The following ALMS1 variants were observed in gnomAD, a reference collection of about 807,000 sequenced individuals.
ALMS1 encodes the protein ALMS1 centrosome and basal body associated protein, also known as centrosome-associated protein ALMS1.
ALMS1 carries 271 observed loss-of-function variants against 352.2 expected under a neutral mutation model. That is an observed-to-expected ratio of 0.77 (90% CI 0.70 to 0.85). The LOEUF is 0.85. Ranked by LOEUF, ALMS1 falls within the 40% of genes least tolerant of loss-of-function variation. The pLI is 0.00. For synonymous variants in ALMS1, 1,865 were observed against 1,761.2 expected, an observed-to-expected ratio of 1.06 and a Z score of -1.48; for missense variants, 5,445 against 4,870.7, an observed-to-expected ratio of 1.12 and a Z score of -3.51.
chr2:73,394,315 G>C (rs1299776501), intron 1 of ALMS1, among the ~76,000 whole-genome samples: 1 of 152,104 alleles, frequency 6.6e-6, no homozygotes, highest in Admixed American at 6.5e-5. Flanking sequence ...TGAATCTGTA[G>C]ATCAATTTGG....
Position 73,490,791 on chromosome 2 carries a change from A to G in ALMS1, c.8832A>G (p.Glu2944=). ...CATATGTAGATCATCAAATGAGAGA[A>G]AACCATTCTCCCCTTCCTCAAGGTC... ...KAPYVDHQMR[E]NHSPLPQGQD... is the part of the protein sequence containing the mutation. The change falls in exon 10 of 23, where the codon GAA becomes GAG. Residue 2944 remains glutamate, a synonymous_variant. Coordinates refer to ENST00000613296, the MANE Select transcript of ALMS1 (RefSeq NM_001378454.1). 1 of 1,614,106 alleles carries G rather than the reference A, an allele frequency of 6.2e-7. No individual in the cohort carries two copies. The highest frequency in any genetic ancestry group is 8.5e-7 in the Non-Finnish European group (1 of 1,180,022).
intron 9 of ALMS1, chr2:73,470,171 T>C (rs1464660413): frequency 6.6e-6 from 1 of 151,832 alleles, no homozygotes; most frequent in Non-Finnish European, 1.5e-5. Context: ...GATTTCTTCC[T>C]GTTTTTCTAT....
chr2:73,450,717 C>T lies in ALMS1; in HGVS notation c.4190C>T (p.Pro1397Leu). 6.2e-7 allele frequency: 1 copy of T among 1,612,846 alleles called. No homozygotes were observed. Among genetic ancestry groups the T allele is most frequent in the Non-Finnish European group, 8.5e-7 (1 of 1,179,586 alleles). The change falls in exon 8 of 23, where the codon CCA becomes CTA. Residue 1397 changes from proline (P) to leucine (L), a missense_variant. Coordinates refer to ENST00000613296, the MANE Select transcript of ALMS1 (RefSeq NM_001378454.1). ...KPSIFYQQSL[P>L]GSHLTEEAKN... ...AGTATTTTCTACCAACAGTCGTTGC[C>T]AGGTAGTCATCTAACTGAAGAGGCT... is the stretch of plus-strand genomic sequence containing the variant.
chr2:73,523,248 C>CTTTA (rs983486864), intron 11 of ALMS1, among the ~76,000 whole-genome samples: 4 of 152,250 alleles, frequency 2.6e-5, no homozygotes, highest in African/African-American at 2.4e-5. Flanking sequence ...AGCTTGCTCA[C>CTTTA]TTTATTTATT....
intron 11 of ALMS1, among the ~76,000 whole-genome samples, chr2:73,524,430 T>TA (rs576381353): frequency 3.9e-5 from 6 of 152,248 alleles, no homozygotes; most frequent in Admixed American, 3.9e-4. Flanking sequence ...ACAATCCAGT[T>TA]ACATTATTTT....
At chr2:73,539,336 A>G (rs1202616259) in intron 12 of ALMS1, among the ~76,000 whole-genome samples, 1 of 152,154 alleles carries the variant, frequency 6.6e-6, no homozygotes, top group Non-Finnish European at 1.5e-5. Flanking sequence ...GACTGTTACT[A>G]ACAAACAGAA....
rs568327363 is a variant in ALMS1 at position 73,424,420 on chromosome 2, A to G, written c.765-10A>G. On this transcript the variant is annotated splice_polypyrimidine_tract_variant and intron_variant, in intron 4 of 22. Coordinates refer to ENST00000613296, the MANE Select transcript of ALMS1 (RefSeq NM_001378454.1). ...TATTTATTTATTTATTTTTAACTATATATTTTCAGGGGAATTCCTGATAAG... is the reference window on the plus strand; with the variant it reads ...TATTTATTTATTTATTTTTAACTATGTATTTTCAGGGGAATTCCTGATAAG... 4 of 1,505,348 alleles carry G rather than the reference A, an allele frequency of 2.7e-6. No homozygotes were observed. The East Asian group carries it at 6.9e-5, about 26-fold the overall frequency. 93.2% of individuals were successfully genotyped at this position (1,505,348 alleles called of 1,614,324 possible).
At chr2:73,388,601 G>A (rs975806369) in intron 1 of ALMS1, among the ~76,000 whole-genome samples, 32 of 152,150 alleles carry the variant, frequency 2.1e-4, no homozygotes, top group African/African-American at 7.2e-4. Context: ...TGTTTCACTT[G>A]ATAAATAGCC....
Position 73,507,988 on chromosome 2 carries a change from A to G in ALMS1, c.9540-11787A>G, listed in dbSNP as rs138312905. Among the ~76,000 whole-genome samples, 4 of 152,164 alleles carry G rather than the reference A, an allele frequency of 2.6e-5. No individual in the cohort carries two copies. The East Asian group carries it at 7.7e-4, about 29-fold the overall frequency. ...TCTGGTATGTTGTGCCTTTGTTCTC[A>G]TTGGTTTCACAGAATTTATTTCTTG... On this transcript the variant is annotated intron_variant, in intron 10 of 22. Transcript: ENST00000613296.
At chr2:73,521,767 C>T (rs1333626440) in intron 11 of ALMS1, among the ~76,000 whole-genome samples, 2 of 151,542 alleles carry the variant, frequency 1.3e-5, no homozygotes, top group African/African-American at 4.8e-5. Flanking sequence ...AAAAAAAAAG[C>T]ATATTTTAAA....
chr2:73,392,697 G>A (rs1670675333), intron 1 of ALMS1, among the ~76,000 whole-genome samples: 1 of 152,084 alleles, frequency 6.6e-6, no homozygotes, highest in Non-Finnish European at 1.5e-5. Context: ...TTATATGGCT[G>A]AATAATATTT....
At chr2:73,513,247 T>A (rs758215865) in intron 10 of ALMS1, among the ~76,000 whole-genome samples, 1 of 151,956 alleles carries the variant, frequency 6.6e-6, no homozygotes, top group Non-Finnish European at 1.5e-5. Context: ...ATAGCACCCC[T>A]CCCTACTTGG....
chr2:73,392,110 T>G (rs1218706296), intron 1 of ALMS1, among the ~76,000 whole-genome samples: 1 of 152,078 alleles, frequency 6.6e-6, no homozygotes, highest in Non-Finnish European at 1.5e-5. Flanking sequence ...CTGATTTGAC[T>G]AGGTAGGGGT....
In ALMS1 at chr2:73,408,740, A is replaced by T; in HGVS notation, c.443A>T (p.Asp148Val). 6.2e-7 allele frequency: 1 copy of T among 1,609,414 alleles called. No individual in the cohort carries two copies. The highest frequency in any genetic ancestry group is 8.5e-7 in the Non-Finnish European group (1 of 1,177,120). ...ACAACAGCTCAGCGGGGTTCTGGGGATGATCAGGTATGTCTTCTGTAACTG... is the reference window on the plus strand; with the variant it reads ...ACAACAGCTCAGCGGGGTTCTGGGGTTGATCAGGTATGTCTTCTGTAACTG... ...LETTAQRGSG[D>V]DQKTESWHCL... Residue 148 changes from aspartate to valine, a missense_variant, in exon 2 of 23, where the codon GAT (aspartate) becomes GTT (valine). Asp to Val is a radical substitution (Grantham distance 152). Transcript: ENST00000613296.
chr2:73,596,976 A>C (rs1675566269), intron 16 of ALMS1, among the ~76,000 whole-genome samples: 1 of 148,114 alleles, frequency 6.8e-6, no homozygotes, highest in Admixed American at 6.9e-5. Context: ...GCTTGCTGGA[A>C]TTTTGATAGA....
At chr2:73,601,848 A>G (rs1675697471) in intron 19 of ALMS1, among the ~76,000 whole-genome samples, 1 of 152,222 alleles carries the variant, frequency 6.6e-6, no homozygotes, top group Non-Finnish European at 1.5e-5. Flanking sequence ...CCCTTGGGGG[A>G]TAAAGGAAAT....
At chr2:73,599,346 A>T in intron 16 of ALMS1, 55 bp from the exon 17 acceptor site, 5 of 1,604,648 alleles carry the variant, frequency 3.1e-6, no homozygotes, top group Non-Finnish European at 4.2e-6. Context: ...TATCCTGTGG[A>T]TAACTGTGAC....
intron 15 of ALMS1, among the ~76,000 whole-genome samples, chr2:73,562,977 G>A (rs569794862): frequency 6.6e-6 from 1 of 151,932 alleles, no homozygotes; most frequent in South Asian, 2.1e-4. Context: ...AGGTTAGCTT[G>A]GAGGTAAAGG....
At chr2:73,429,356 A>C (rs1471007368) in intron 6 of ALMS1, among the ~76,000 whole-genome samples, 3 of 140,422 alleles carry the variant, frequency 2.1e-5, no homozygotes, top group Non-Finnish European at 4.5e-5. Flanking sequence ...ATCTCAGCTC[A>C]CTGCAACCTC....
Sources: allele counts gnomAD v4.1 joint callset (sites outside exome capture counted in the v4.1 genomes callset), GRCh38; gene constraint gnomAD v4.1.1; transcripts MANE v1.5; gene names NCBI Gene and HGNC (gene_info 2026-07-23, HGNC 2026-07-21).